ASIC4: variants seen among roughly 807,000 people sequenced by gnomAD.
ASIC4 encodes the protein acid-sensing ion channel 4.
In ASIC4, 28 loss-of-function variants were observed where a neutral mutation model predicts 53.4. The observed-to-expected ratio is 0.52, with a 90% CI of 0.39 to 0.72. ASIC4 has a LOEUF of 0.72. ASIC4 is among the 30% of genes least tolerant of loss of function. The pLI is 0.00. For synonymous variants in ASIC4, 289 were observed against 301.4 expected (o/e 0.96, Z 0.43); for missense variants, 649 against 729.7 (o/e 0.89, Z 1.27).
intron 1 of ASIC4, among the ~76,000 whole-genome samples, chr2:219,522,797 T>C (rs1176855326): frequency 6.6e-6 from 1 of 151,976 alleles, no homozygotes; most frequent in Non-Finnish European, 1.5e-5. Context: ...CTGGCGCTGC[T>C]GTGTGCGGAG....
At chr2:219,535,418 AGTGTATGT>A in intron 6 of ASIC4, 94 bp downstream of exon 6, 2 of 1,346,740 alleles carry the variant, frequency 1.5e-6, no homozygotes, top group East Asian at 2.6e-5. Context: ...CGTGTGTGTG[AGTGTATGT>A]GTGTATGTGT....
rs567899038 is a variant in ASIC4 at position 219,514,662 on chromosome 2, G to C, written c.-63G>C. The C allele has an allele frequency of 4.3e-6, 7 of 1,613,228 alleles. No homozygotes were observed. The South Asian group carries it at 7.7e-5, about 18-fold the overall frequency. ...ACCACTGCCACTCGGGAGGGCACCA[G>C]GGCTGCTGGCTAGGGAGGGACAGGG... On this transcript the variant is annotated 5_prime_UTR_variant, in exon 1 of 10. Transcript: ENST00000358078.
upstream of ASIC4, among the ~76,000 whole-genome samples, chr2:219,511,300 C>T (rs915088887): frequency 6.6e-6 from 1 of 152,022 alleles, no homozygotes; most frequent in Non-Finnish European, 1.5e-5. This position sits in a 1 kb window ranked among gnomAD's most constrained non-coding sequence, Gnocchi z 5.3. Context: ...CTTTGGGGCA[C>T]TTTGCCCAAA....
rs1695189040 is a variant in ASIC4 at position 219,538,574 on chromosome 2, G to A, written c.*528G>A. 6.2e-6 allele frequency: 1 copy of A among 160,808 alleles called. No homozygotes were observed. The highest frequency in any genetic ancestry group is 5.8e-5 in the Admixed American group (1 of 17,180). The allele number at this position is 160,808 out of a possible 1,614,324, so 10.0% of individuals were successfully genotyped here. A position where few individuals can be genotyped will look rare whatever the true frequency, so the allele number is the denominator to read the frequency against. On this transcript the variant is annotated 3_prime_UTR_variant, in exon 10 of 10. Coordinates refer to ENST00000358078, the MANE Select transcript of ASIC4 (RefSeq NM_018674.6). ...TCCCCTCTTGGCAGGGGGAGAGGAT[G>A]GCCCAGCAGGCCTGGCCCAGCTCCC...
At chr2:219,524,546 G>A (rs1235634530) in intron 1 of ASIC4, among the ~76,000 whole-genome samples, 1 of 152,268 alleles carries the variant, frequency 6.6e-6, no homozygotes, top group Non-Finnish European at 1.5e-5. Context: ...TAAGCACTAA[G>A]TAAATATTAG....
intron 1 of ASIC4, among the ~76,000 whole-genome samples, chr2:219,520,591 G>A (rs1694868691): frequency 6.6e-6 from 1 of 152,206 alleles, no homozygotes. Context: ...GCTGCCCCTT[G>A]CCCCGTTGGC....
At chr2:219,508,344 C>T in the ASIC4 span, among the ~76,000 whole-genome samples, 151 of 152,310 alleles carry the variant, frequency 9.9e-4, no homozygotes, top group East Asian at 0.022. Flanking sequence ...AGCAAAACAC[C>T]GTGAAATCCA....
intron 1 of ASIC4, among the ~76,000 whole-genome samples, chr2:219,527,343 A>T (rs1294618534): frequency 6.6e-6 from 1 of 152,182 alleles, no homozygotes; most frequent in Non-Finnish European, 1.5e-5. Flanking sequence ...GACCCAGACA[A>T]CTTCCACCCA....
chr2:219,515,437 C>T (rs893935152), intron 1 of ASIC4, 131 bp downstream of exon 1: 28 of 1,249,452 alleles, frequency 2.2e-5, no homozygotes, highest in Admixed American at 2.1e-4. Context: ...AGGCTGGCCT[C>T]GTGTTTCCCC....
rs201616900 is a variant in ASIC4 at position 219,521,909 on chromosome 2, G to GA, written c.582+6606dup. On this transcript the variant is annotated intron_variant, in intron 1 of 9. Coordinates refer to ENST00000358078, the MANE Select transcript of ASIC4 (RefSeq NM_018674.6). ...TTTAATTTTTTTGCAAATCATGGTG[G>GA]AAACTTAGGGTCTTCAGAAGGATGA... Among the ~76,000 whole-genome samples, 102 of 152,324 alleles carry GA rather than the reference G, an allele frequency of 6.7e-4. No homozygotes were observed. In the East Asian group the frequency reaches 0.019, roughly 28 times the overall value.
chr2:219,537,268 TTCATTGGGGCCAGCATCC>T lies in ASIC4; in HGVS notation c.1352_1369del (p.Ile451_Leu456del), dbSNP rs1274582577. 6.2e-7 allele frequency: 1 copy of T among 1,613,684 alleles called. No individual in the cohort carries two copies. Among genetic ancestry groups the T allele is most frequent in the Non-Finnish European group, 8.5e-7 (1 of 1,179,900 alleles). ...AGACCTCGGGGGACAGATGGGCCTG[TTCATTGGGGCCAGCATCC>T]TCACGTTGCTGGAGATCCTCGACTA... On this transcript the variant is annotated inframe_deletion, in exon 8 of 10. Coordinates refer to ENST00000358078, the MANE Select transcript of ASIC4 (RefSeq NM_018674.6). The surrounding 1 kb of genome is among the most constrained non-coding windows in gnomAD (Gnocchi z 4.9).
At chr2:219,512,666 C>T (rs561312541), upstream of ASIC4, among the ~76,000 whole-genome samples, 85 of 152,294 alleles carry the variant, frequency 5.6e-4, no homozygotes, top group Admixed American at 1.3e-3. Flanking sequence ...GCTAACTCAG[C>T]GGCTTTGTCC....
intron 1 of ASIC4, among the ~76,000 whole-genome samples, chr2:219,521,367 C>T (rs553371216): frequency 3.3e-5 from 5 of 152,358 alleles, no homozygotes; most frequent in East Asian, 1.9e-4. Context: ...AATGGCCCCA[C>T]GTCCTGTCCC....
At chr2:219,535,463 ATGTG>A in intron 6 of ASIC4, 139 bp downstream of exon 6, 3 of 986,558 alleles carry the variant, frequency 3.0e-6, no homozygotes, top group South Asian at 3.5e-5. Context: ...GTGGGTGTGT[ATGTG>A]TGTGGGGTGT....
Position 219,537,072 on chromosome 2 carries a change from C to A in ASIC4, c.1236C>A (p.Asn412Lys), listed in dbSNP as rs1318274032. 1 of 1,613,946 alleles carries A rather than the reference C, an allele frequency of 6.2e-7. No homozygotes were observed. The highest frequency in any genetic ancestry group is 8.5e-7 in the Non-Finnish European group (1 of 1,179,962). ...CTGCTTCCTGTCTCCACAGGGAGAA[C>A]TTCCTGGTCCTAGATGTCTTCTTTG... ...YNRNETYIRE[N>K]FLVLDVFFEA... is the part of the protein sequence containing the mutation. Residue 412 changes from asparagine (N) to lysine (K), a missense_variant, in exon 7 of 10, where the codon AAC becomes AAA. Coordinates refer to ENST00000358078, the MANE Select transcript of ASIC4 (RefSeq NM_018674.6). This position sits in a 1 kb window ranked among gnomAD's most constrained non-coding sequence, Gnocchi z 4.9.
intron 1 of ASIC4, among the ~76,000 whole-genome samples, chr2:219,520,659 G>T (rs1184638154): frequency 2.0e-5 from 3 of 152,202 alleles, no homozygotes; most frequent in African/African-American, 7.2e-5. Flanking sequence ...TACCGCACAG[G>T]CTTGCCTCTG....
upstream of ASIC4, among the ~76,000 whole-genome samples, chr2:219,509,806 C>T (rs1175149252): frequency 6.6e-6 from 1 of 152,116 alleles, no homozygotes; most frequent in Non-Finnish European, 1.5e-5. The surrounding 1 kb of genome is among the most constrained non-coding windows in gnomAD (Gnocchi z 5.2). Flanking sequence ...TACAAGGTCT[C>T]GGTGCCAGCG....
At chr2:219,512,113 G>C (rs1694709372), upstream of ASIC4, among the ~76,000 whole-genome samples, 1 of 152,132 alleles carries the variant, frequency 6.6e-6, no homozygotes, top group Admixed American at 6.5e-5. Context: ...GTGGGGCAGT[G>C]GTGGGGGTGT....
chr2:219,532,022 G>T lies in ASIC4; in HGVS notation c.749G>T (p.Gly250Val). The change falls in exon 3 of 10, where the codon GGT (glycine) becomes GTT (valine). Residue 250 changes from glycine to valine, a missense_variant. By Grantham distance (109) the Gly-to-Val change is moderately radical (BLOSUM62 -3). Transcript: ENST00000358078. ...RETNETSFEAGIRVQIHSQEE... is the reference protein window; with the variant it reads ...RETNETSFEAVIRVQIHSQEE... Reference sequence around the variant, plus strand: ...GCAGATGAGACGTCGTTTGAGGCAGGTATTCGGGTGCAGATCCACAGCCAG... The same window carrying T: ...GCAGATGAGACGTCGTTTGAGGCAGTTATTCGGGTGCAGATCCACAGCCAG... The T allele has an allele frequency of 6.2e-7, 1 of 1,614,234 alleles. No homozygotes were observed. The highest frequency in any genetic ancestry group is 8.5e-7 in the Non-Finnish European group (1 of 1,180,038).
Sources: gnomAD v4.1 joint callset for allele counts (sites outside exome capture counted in the v4.1 genomes callset) on GRCh38, gnomAD v4.1.1 for gene constraint, Gnocchi (gnomAD v3.1) non-coding constraint, MANE v1.5 for transcripts, NCBI Gene and HGNC (gene_info 2026-07-23, HGNC 2026-07-21) for gene names.